Variants in ABLIM3 observed in about 807,000 individuals in gnomAD.
ABLIM3 encodes actin binding LIM protein family member 3, also known as actin-binding LIM protein 3.
Under a neutral mutation model 109.5 loss-of-function variants are expected in ABLIM3, and 61 were observed. The observed-to-expected ratio is 0.56, with a 90% CI of 0.45 to 0.69. The LOEUF is 0.69. Among genes scored for constraint, ABLIM3 ranks in the 30% least tolerant of loss-of-function variants. The pLI, the probability that ABLIM3 is intolerant of heterozygous loss-of-function variation, is 0.00. For synonymous variants in ABLIM3, 300 were observed against 324.8 expected (o/e 0.92, Z 0.82); for missense variants, 796 against 889.5 (o/e 0.89, Z 1.34).
intron 2 of ABLIM3, among the ~76,000 whole-genome samples, chr5:149,161,116 G>A (rs1267617484): frequency 2.0e-5 from 3 of 152,120 alleles, no homozygotes; most frequent in Admixed American, 6.5e-5. Flanking sequence ...TCCCAGGTCC[G>A]GAGCCTGTCC....
At chr5:149,175,141 C>A (rs73798015) in intron 2 of ABLIM3, among the ~76,000 whole-genome samples, 100 of 152,286 alleles carry the variant, frequency 6.6e-4, no homozygotes, top group African/African-American at 2.3e-3. Context: ...GGATGTTTCC[C>A]CTTCTCTATC....
intron 13 of ABLIM3, chr5:149,240,366 T>A: frequency 2.3e-6 from 1 of 430,606 alleles, no homozygotes. Flanking sequence ...AAGGGGGAGG[T>A]TCAAGGATGG....
At chr5:149,190,513 C>A (rs1031403846) in intron 3 of ABLIM3, among the ~76,000 whole-genome samples, 1 of 152,022 alleles carries the variant, frequency 6.6e-6, no homozygotes, top group Non-Finnish European at 1.5e-5. Context: ...AGCCTCTTCT[C>A]TACAAAAAAT....
rs549252762 is a variant in ABLIM3 at position 149,248,403 on chromosome 5, A to G, written c.1699+474A>G. 1.6e-4 allele frequency among the ~76,000 whole-genome samples: 25 copies of G among 152,234 alleles called. No homozygotes were observed. In the East Asian group the frequency reaches 3.5e-3, roughly 21 times the overall value. ...CCAGTCAGATTCAGTATAAAGAAAA[A>G]TGGCTTGGCTGGGCGCAGTGGCTCA... On this transcript the variant is annotated intron_variant, in intron 18 of 23. Coordinates refer to ENST00000309868, the MANE Select transcript of ABLIM3 (RefSeq NM_014945.5).
At chr5:149,169,754 A>G (rs189394968) in intron 2 of ABLIM3, among the ~76,000 whole-genome samples, 1 of 152,312 alleles carries the variant, frequency 6.6e-6, no homozygotes, top group Admixed American at 6.5e-5. Flanking sequence ...GGTGAGTCAC[A>G]TGAGAGCAGG....
At position 149,175,491 on chromosome 5, in the gene ABLIM3, T is replaced by C. The variant is rs192183663; in HGVS notation, c.14-7961T>C. Among the ~76,000 whole-genome samples, 381 of 151,928 alleles carry C rather than the reference T, an allele frequency of 2.5e-3. 7 individuals are homozygous for C. Among genetic ancestry groups the C allele is most frequent in the Non-Finnish European group, 3.2e-4 (22 of 67,958 alleles). ...TAAGAATGGTTCCCTGGCACATGGG[T>C]AGGGAGGAGAATCTTGGGGAAAGAA... On this transcript the variant is annotated intron_variant, in intron 2 of 23. Transcript: ENST00000309868.
At chr5:149,162,196 CT>C (rs1228569679) in intron 2 of ABLIM3, among the ~76,000 whole-genome samples, 1 of 152,116 alleles carries the variant, frequency 6.6e-6, no homozygotes, top group African/African-American at 2.4e-5. Flanking sequence ...ATTTGAATTG[CT>C]TTTTTTATTA....
intron 15 of ABLIM3, 148 bp downstream of exon 15, chr5:149,242,686 T>C (rs1752973068): frequency 3.6e-6 from 3 of 827,132 alleles, no homozygotes; most frequent in Non-Finnish European, 6.2e-6. Context: ...TCACCCAGGG[T>C]GACATTAGGG....
intron 14 of ABLIM3, among the ~76,000 whole-genome samples, chr5:149,241,519 G>T (rs1752839045): frequency 6.6e-6 from 1 of 152,218 alleles, no homozygotes; most frequent in South Asian, 2.1e-4. Flanking sequence ...CCAGCACTTT[G>T]GGAGGCCGAG....
chr5:149,226,759 C>T (rs1761324370), intron 8 of ABLIM3, among the ~76,000 whole-genome samples: 1 of 152,122 alleles, frequency 6.6e-6, no homozygotes, highest in African/African-American at 2.4e-5. Context: ...ATACCAACTC[C>T]AGCTTTGGCA....
intron 2 of ABLIM3, among the ~76,000 whole-genome samples, chr5:149,149,520 T>C (rs1006017541): frequency 6.6e-6 from 1 of 152,210 alleles, no homozygotes; most frequent in Non-Finnish European, 1.5e-5. Flanking sequence ...TACAGGAAGC[T>C]TATTAACCTG....
At chr5:149,225,972 GTGTGTGTGTGTATATATATATATA>G (rs1199847368) in intron 8 of ABLIM3, among the ~76,000 whole-genome samples, 31 of 73,946 alleles carry the variant, frequency 4.2e-4, no homozygotes, top group South Asian at 3.6e-3. Context: ...GTGTGTGTGT[GTGTGTGTGTGTATATATATATATA>G]TATATATATA....
rs1754715131 is a variant in ABLIM3 at position 149,259,362 on chromosome 5, G to A, written c.*958G>A. 1.4e-5 allele frequency: 21 copies of A among 1,455,894 alleles called. No homozygotes were observed. The highest frequency in any genetic ancestry group is 1.5e-5 in the Non-Finnish European group (17 of 1,107,856). 90.2% of individuals were successfully genotyped at this position (1,455,894 alleles called of 1,614,324 possible). On this transcript the variant is annotated 3_prime_UTR_variant, in exon 24 of 24. Transcript: ENST00000309868. The stretch of plus-strand genomic sequence containing the variant: ...CAACTCAACACACCGCAGGGCTAAT[G>A]TTCCCACCAGAGCTCCAACTGAACA...
In ABLIM3 at chr5:149,198,967, C is replaced by T; in HGVS notation, c.335+565C>T. On this transcript the variant is annotated intron_variant, in intron 4 of 23. Coordinates refer to ENST00000309868, the MANE Select transcript of ABLIM3 (RefSeq NM_014945.5). This position sits in a 1 kb window ranked among gnomAD's most constrained non-coding sequence, Gnocchi z 4.2. ...AGATGATGATGCAAAGGCATTAGCT[C>T]AGTGATCAGTATGTGAGAGTGTCTG... 1 of 434,482 alleles carries T rather than the reference C, an allele frequency of 2.3e-6. No homozygotes were observed. Among genetic ancestry groups the T allele is most frequent in the Non-Finnish European group, 4.7e-6 (1 of 214,556 alleles). 26.9% of individuals were successfully genotyped at this position (434,482 alleles called of 1,614,324 possible).
chr5:149,252,225 G>T lies in ABLIM3; in HGVS notation c.1857+17G>T. On this transcript the variant is annotated intron_variant, in intron 22 of 23. Transcript: ENST00000309868. The stretch of plus-strand genomic sequence containing the variant: ...GAGTACAAGGTAAAGGATGTGCATA[G>T]ACCCTGGGGGTCTCCAGGATTCTTG... 2 of 1,612,332 alleles carry T rather than the reference G, an allele frequency of 1.2e-6. No homozygotes were observed. Among genetic ancestry groups the T allele is most frequent in the Non-Finnish European group, 1.7e-6 (2 of 1,179,214 alleles).
chr5:149,240,666 C>T lies in ABLIM3; in HGVS notation c.1205-10C>T, dbSNP rs373343120. 22 of 1,610,098 alleles carry T rather than the reference C, an allele frequency of 1.4e-5. No individual in the cohort carries two copies. The East Asian group carries it at 1.6e-4, about 11-fold the overall frequency. On this transcript the variant is annotated splice_polypyrimidine_tract_variant and intron_variant, in intron 13 of 23. Coordinates refer to ENST00000309868, the MANE Select transcript of ABLIM3 (RefSeq NM_014945.5). ...TGTTTTCTTTGGCGACCACTTCCTG[C>T]GTGCTCCAGGGCCCGAGAGTGGCCG...
At chr5:149,147,494 G>T (rs1753045558) in intron 2 of ABLIM3, among the ~76,000 whole-genome samples, 1 of 152,094 alleles carries the variant, frequency 6.6e-6, no homozygotes, top group Admixed American at 6.5e-5. Context: ...TTGCATCTAT[G>T]TTCATCAGGA....
At chr5:149,144,994 A>G (rs1196638047) in intron 2 of ABLIM3, among the ~76,000 whole-genome samples, 1 of 152,138 alleles carries the variant, frequency 6.6e-6, no homozygotes, top group East Asian at 1.9e-4. Context: ...TTAAATTTCA[A>G]CTTTTATTTT....
In ABLIM3 at chr5:149,259,331, G is replaced by T. The variant is rs1025001047; in HGVS notation, c.*927G>T. 2.8e-6 allele frequency: 4 copies of T among 1,427,790 alleles called. No homozygotes were observed. The highest frequency in any genetic ancestry group is 3.7e-6 in the Non-Finnish European group (4 of 1,094,364). 88.4% of individuals were successfully genotyped at this position (1,427,790 alleles called of 1,614,324 possible). On this transcript the variant is annotated 3_prime_UTR_variant, in exon 24 of 24. Transcript: ENST00000309868. ...TCTTTAGCCTTATTACAATCTATGT[G>T]CCTGACAACTCAACACACCGCAGGG...
Sources: gnomAD v4.1 joint callset for allele counts (sites outside exome capture counted in the v4.1 genomes callset) on GRCh38, gnomAD v4.1.1 for gene constraint, Gnocchi (gnomAD v3.1) non-coding constraint, MANE v1.5 for transcripts, NCBI Gene and HGNC (gene_info 2026-07-23, HGNC 2026-07-21) for gene names.